FARP1: variants seen among roughly 807,000 people sequenced by gnomAD.
The protein encoded by FARP1 is FERM, ARH/RhoGEF and pleckstrin domain protein 1.
FARP1 carries 52 observed loss-of-function variants against 128.8 expected under a neutral mutation model. The observed-to-expected ratio is 0.40, with a 90% CI of 0.32 to 0.51. The LOEUF is 0.51. FARP1 is among the 20% of genes least tolerant of loss of function. The pLI, the probability that FARP1 is intolerant of heterozygous loss-of-function variation, is 0.45. For synonymous variants in FARP1, 580 were observed against 551.8 expected, an observed-to-expected ratio of 1.05 and a Z score of -0.72; for missense variants, 1,333 against 1,367.9, an observed-to-expected ratio of 0.97 and a Z score of 0.40.
intron 2 of FARP1, among the ~76,000 whole-genome samples, chr13:98,217,684 C>A (rs1169484820): frequency 6.6e-6 from 1 of 152,202 alleles, no homozygotes; most frequent in Non-Finnish European, 1.5e-5. Context: ...CAACCACAGT[C>A]CTCGGCGGTT....
intron 4 of FARP1, among the ~76,000 whole-genome samples, chr13:98,367,880 C>T (rs747447463): frequency 6.6e-6 from 1 of 152,020 alleles, no homozygotes; most frequent in Non-Finnish European, 1.5e-5. Context: ...AATTTAATAG[C>T]TCTATGTAGT....
chr13:98,409,241 A>C (rs931491718), intron 13 of FARP1, 97 bp from the exon 14 acceptor site: 2 of 1,015,434 alleles, frequency 2.0e-6, no homozygotes, highest in African/African-American at 3.3e-5. Context: ...GGGGTAGTCA[A>C]ATCTTACGAT....
intron 1 of FARP1, among the ~76,000 whole-genome samples, chr13:98,143,819 C>T (rs1875277296): frequency 6.6e-6 from 1 of 151,928 alleles, no homozygotes; most frequent in South Asian, 2.1e-4. Context: ...GCGCCCTTCC[C>T]CCGTTTCCTT....
chr13:98,227,868 T>A (rs1881886915), intron 2 of FARP1, among the ~76,000 whole-genome samples: 2 of 152,104 alleles, frequency 1.3e-5, no homozygotes, highest in Non-Finnish European at 2.9e-5. Context: ...AATAAGCCAG[T>A]TACAAAAAGA....
chr13:98,278,168 A>AGTGTGTGTGT lies in FARP1; in HGVS notation c.171+64758_171+64759insTGTGTGTGTG, dbSNP rs1291047216. Among the ~76,000 whole-genome samples, 765 of 131,650 alleles carry AGTGTGTGTGT rather than the reference A, an allele frequency of 5.8e-3. 5 individuals are homozygous for AGTGTGTGTGT. Among genetic ancestry groups the AGTGTGTGTGT allele is most frequent in the African/African-American group, 0.022 (742 of 33,996 alleles). The allele number at this position is 131,650 out of a possible 152,430, so 86.4% of individuals were successfully genotyped here. ...AATATCCAGGGTGTGTGTATGAGTG[A>AGTGTGTGTGT]GTGAGTGTGTGTGTGTGTGTGTATG... is the stretch of plus-strand genomic sequence containing the variant. On this transcript the variant is annotated intron_variant, in intron 2 of 26. Coordinates refer to ENST00000319562, the MANE Select transcript of FARP1 (RefSeq NM_005766.4).
At chr13:98,447,176 T>G (rs1232763822) in intron 26 of FARP1, 4 of 210,086 alleles carry the variant, frequency 1.9e-5, no homozygotes, top group Non-Finnish European at 3.9e-5. Flanking sequence ...AATGCAACAG[T>G]CAGGCCTAAG....
chr13:98,282,697 G>C (rs1884988144), intron 2 of FARP1, among the ~76,000 whole-genome samples: 1 of 152,146 alleles, frequency 6.6e-6, no homozygotes, highest in African/African-American at 2.4e-5. Context: ...AAAGTCAAAA[G>C]ATCGAGACCA....
intron 3 of FARP1, among the ~76,000 whole-genome samples, chr13:98,347,277 CAAGT>C (rs746764608): frequency 2.0e-5 from 3 of 147,276 alleles, no homozygotes; most frequent in Non-Finnish European, 4.4e-5. Context: ...TGGTCAAAAA[CAAGT>C]AACACATTTG....
chr13:98,381,185 C>T (rs1889875855), intron 6 of FARP1, among the ~76,000 whole-genome samples: 1 of 152,142 alleles, frequency 6.6e-6, no homozygotes, highest in Non-Finnish European at 1.5e-5. Context: ...GTGTAAGGCC[C>T]CATTTCTGCA....
chr13:98,154,267 T>A lies in FARP1; in HGVS notation c.-24+10775T>A, dbSNP rs976427145. On this transcript the variant is annotated intron_variant, in intron 1 of 26. Transcript: ENST00000319562. ...ATACAGATTTTGATATGGATGAAGT[T>A]TGATTTCTCATGGACAAATAGCTAG... Among the ~76,000 whole-genome samples the A allele has an allele frequency of 3.9e-5, 6 of 152,362 alleles. No homozygotes were observed. The East Asian group carries it at 1.2e-3, about 29-fold the overall frequency.
At chr13:98,207,494 A>C (rs1363949509) in intron 1 of FARP1, among the ~76,000 whole-genome samples, 1 of 152,078 alleles carries the variant, frequency 6.6e-6, no homozygotes, top group Non-Finnish European at 1.5e-5. Flanking sequence ...GAGCACCTTT[A>C]GGCTGGGGTG....
At chr13:98,295,345 A>C (rs901549202) in intron 2 of FARP1, among the ~76,000 whole-genome samples, 4 of 152,156 alleles carry the variant, frequency 2.6e-5, no homozygotes, top group Non-Finnish European at 4.4e-5. Context: ...CAATGCCACG[A>C]GACTCGCGTG....
chr13:98,397,100 G>A (rs1175979392), intron 13 of FARP1: 1 of 152,142 alleles, frequency 6.6e-6, no homozygotes, highest in Non-Finnish European at 1.5e-5. Flanking sequence ...TGCTTCCCAG[G>A]CTTCCTGTGA....
intron 12 of FARP1, among the ~76,000 whole-genome samples, chr13:98,394,002 G>A (rs1205277330): frequency 6.6e-6 from 1 of 152,204 alleles, no homozygotes; most frequent in Admixed American, 6.5e-5. Flanking sequence ...CGGAACCATC[G>A]CGGCAGTGGG....
intron 1 of FARP1, among the ~76,000 whole-genome samples, chr13:98,186,776 G>A (rs1223521178): frequency 6.6e-6 from 1 of 151,922 alleles, no homozygotes; most frequent in East Asian, 1.9e-4. Flanking sequence ...TGGATCAGTT[G>A]AGGTCAGGAG....
chr13:98,318,032 C>T (rs907039272), intron 2 of FARP1, among the ~76,000 whole-genome samples: 1 of 149,718 alleles, frequency 6.7e-6, no homozygotes, highest in Non-Finnish European at 1.5e-5. Context: ...TCTTCCTCCT[C>T]CTCCCTCTTC....
In FARP1 at chr13:98,364,919, G is replaced by A. The variant is rs140508710; in HGVS notation, c.277-476G>A. Reference sequence around the variant, plus strand: ...CCTCTGGCCTTGTCTGGAGAGGTCAGTAGCTTATAGGTAGTGCATGGTGCA... The same window carrying A: ...CCTCTGGCCTTGTCTGGAGAGGTCAATAGCTTATAGGTAGTGCATGGTGCA... On this transcript the variant is annotated intron_variant, in intron 3 of 26. Coordinates refer to ENST00000319562, the MANE Select transcript of FARP1 (RefSeq NM_005766.4). Among the ~76,000 whole-genome samples, 551 of 152,324 alleles carry A rather than the reference G, an allele frequency of 3.6e-3. 12 individuals are homozygous for A. The highest frequency in any genetic ancestry group is 9.4e-4 in the Non-Finnish European group (64 of 68,022).
At chr13:98,143,516 G>A (rs1232819850) in intron 1 of FARP1, 24 bp downstream of exon 1, 1 of 150,212 alleles carries the variant, frequency 6.7e-6, no homozygotes, top group East Asian at 2.0e-4. Flanking sequence ...GGTGAACAAT[G>A]ACCGCGGCGG....
intron 2 of FARP1, chr13:98,244,384 A>T (rs1258949562): frequency 1.1e-6 from 1 of 937,182 alleles, no homozygotes; most frequent in East Asian, 2.6e-5. Flanking sequence ...AAACATATCC[A>T]TCACTTCCAA....
Sources: gnomAD v4.1 joint callset for allele counts (sites outside exome capture counted in the v4.1 genomes callset) on GRCh38, gnomAD v4.1.1 for gene constraint, MANE v1.5 for transcripts, NCBI Gene and HGNC (gene_info 2026-07-23, HGNC 2026-07-21) for gene names.